Variants in GREB1 observed in about 807,000 individuals in gnomAD.
GREB1 encodes protein GREB1.
GREB1 carries 106 observed loss-of-function variants against 200.7 expected under a neutral mutation model. The ratio of observed to expected loss-of-function variants is 0.53; its 90% CI spans 0.45 to 0.62. GREB1 has a LOEUF of 0.62. Among genes scored for constraint, GREB1 ranks in the 20% least tolerant of loss-of-function variants. GREB1 has a pLI of 0.00. For missense variants in GREB1, 2,243 were observed against 2,556.8 expected (o/e 0.88, Z 2.65); for synonymous variants, 1,132 against 1,092.4 (o/e 1.04, Z -0.72).
rs1679127801 is a variant in GREB1 at position 11,578,554 on chromosome 2, T to G, written c.772+123T>G. ...AAATCAGGGGGCTGTTATCTTTTTC[T>G]ATAACACCTTTACTTTCATCTTGAA... is the stretch of plus-strand genomic sequence containing the variant. On this transcript the variant is annotated intron_variant, in intron 6 of 32. Coordinates refer to ENST00000381486, the MANE Select transcript of GREB1 (RefSeq NM_014668.4). The G allele has an allele frequency of 3.2e-6, 3 of 933,538 alleles. No individual in the cohort carries two copies. The East Asian group carries it at 7.9e-5, about 24-fold the overall frequency. The allele number at this position is 933,538 out of a possible 1,614,324, so 57.8% of individuals were successfully genotyped here. A position where few individuals can be genotyped will look rare whatever the true frequency, so the allele number is the denominator to read the frequency against.
At chr2:11,632,161 A>G (rs1174682626) in intron 27 of GREB1, 48 bp downstream of exon 27, 2 of 1,348,924 alleles carry the variant, frequency 1.5e-6, no homozygotes, top group Non-Finnish European at 1.1e-6. Context: ...CTGTGAACGA[A>G]CACTTGAGAG....
intron 17 of GREB1, 42 bp downstream of exon 17, chr2:11,602,584 T>C (rs757790979): frequency 3.2e-6 from 5 of 1,586,236 alleles, no homozygotes; most frequent in Non-Finnish European, 4.3e-6. Context: ...GCTCAGTAGC[T>C]TAAAGGGCAA....
intron 1 of GREB1, among the ~76,000 whole-genome samples, chr2:11,503,299 G>A (rs1042641556): frequency 2.6e-5 from 4 of 152,050 alleles, no homozygotes; most frequent in East Asian, 1.9e-4. Context: ...CTATTGCTTC[G>A]AGTGCTTACA....
At chr2:11,489,003 T>C (rs1247101370) in intron 1 of GREB1, among the ~76,000 whole-genome samples, 1 of 152,006 alleles carries the variant, frequency 6.6e-6, no homozygotes, top group Non-Finnish European at 1.5e-5. Context: ...TGGTCACCCT[T>C]GTATCCCAGC....
chr2:11,634,263 G>A lies in GREB1; in HGVS notation c.5124G>A (p.Val1708=), dbSNP rs752984548. 24 of 1,614,084 alleles carry A rather than the reference G, an allele frequency of 1.5e-5. No individual in the cohort carries two copies. The highest frequency in any genetic ancestry group is 1.9e-5 in the Non-Finnish European group (22 of 1,180,042). Residue 1708 remains valine (V), a synonymous_variant, in exon 29 of 33, where the codon GTG becomes GTA. Coordinates refer to ENST00000381486, the MANE Select transcript of GREB1 (RefSeq NM_014668.4). The part of the protein sequence containing the change: ...KWSSKTRASE[V]QEPFSRCHVH... Reference sequence around the variant, plus strand: ...CCAGCAAGACCCGGGCCAGCGAGGTGCAAGAGCCCTTCTCCCGCTGCCACG... The same window carrying A: ...CCAGCAAGACCCGGGCCAGCGAGGTACAAGAGCCCTTCTCCCGCTGCCACG...
intron 1 of GREB1, among the ~76,000 whole-genome samples, chr2:11,499,003 A>C (rs1672958821): frequency 6.6e-6 from 1 of 152,182 alleles, no homozygotes; most frequent in Non-Finnish European, 1.5e-5. Context: ...ATGCTTAATT[A>C]CACAAACATG....
chr2:11,639,582 C>G (rs931981661), intron 32 of GREB1, among the ~76,000 whole-genome samples: 1 of 152,214 alleles, frequency 6.6e-6, no homozygotes. Flanking sequence ...CTTGAAAACA[C>G]GATTTCCAGT....
intron 4 of GREB1, among the ~76,000 whole-genome samples, chr2:11,572,783 G>A (rs937235707): frequency 1.3e-5 from 2 of 151,802 alleles, no homozygotes; most frequent in African/African-American, 2.4e-5. Context: ...CTCCTACAAG[G>A]TGGGTTTTTG....
At chr2:11,598,093 T>C in intron 14 of GREB1, 115 bp downstream of exon 14, 1 of 801,210 alleles carries the variant, frequency 1.2e-6, no homozygotes, top group East Asian at 2.4e-5. Context: ...GTATTGCTGC[T>C]CTTGTTTTAT....
chr2:11,624,251 G>A (rs992184052), intron 23 of GREB1, among the ~76,000 whole-genome samples: 10 of 151,770 alleles, frequency 6.6e-5, no homozygotes, highest in African/African-American at 2.4e-4. Flanking sequence ...TGCAAGCCCC[G>A]TGCAAGGTGG....
intron 1 of GREB1, among the ~76,000 whole-genome samples, chr2:11,518,271 A>T (rs1182081024): frequency 6.6e-6 from 1 of 152,186 alleles, no homozygotes; most frequent in African/African-American, 2.4e-5. Flanking sequence ...GCAATCATTG[A>T]AAGTTGAACA....
At position 11,640,377 on chromosome 2, in the gene GREB1, C is replaced by T. The variant is rs755838573; in HGVS notation, c.5773C>T (p.Arg1925Trp). 18 of 1,614,100 alleles carry T rather than the reference C, an allele frequency of 1.1e-5. No homozygotes were observed. In the Middle Eastern group the frequency reaches 4.9e-4, roughly 44 times the overall value. ...GGAGCTCGAGGACGAGTGGCAGTTC[C>T]GGCTGCGCGATGAGTTCCAGACCGC... ...RLELEDEWQF[R>W]LRDEFQTANA... Residue 1925 changes from arginine (R) to tryptophan (W), a missense_variant, in exon 33 of 33, where the codon CGG becomes TGG. Around this residue, in one of 3 missense-constraint regions of GREB1, gnomAD observed 478 missense variants for 616.3 expected, o/e 0.78. Coordinates refer to ENST00000381486, the MANE Select transcript of GREB1 (RefSeq NM_014668.4). This position sits in a 1 kb window ranked among gnomAD's most constrained non-coding sequence, Gnocchi z 4.6.
At position 11,547,601 on chromosome 2, in the gene GREB1, A is replaced by G. The variant is rs571353236; in HGVS notation, c.-161-8853A>G. Among the ~76,000 whole-genome samples the G allele has an allele frequency of 2.6e-5, 4 of 152,332 alleles. No individual in the cohort carries two copies. The East Asian group carries it at 7.7e-4, about 29-fold the overall frequency. ...AATCATCGTTTTTCAAAAATTATAA[A>G]TATACACACAGTCTAAAAGTTAAAT... On this transcript the variant is annotated intron_variant, in intron 1 of 32. Coordinates refer to ENST00000381486, the MANE Select transcript of GREB1 (RefSeq NM_014668.4).
chr2:11,503,344 C>T (rs1673098292), intron 1 of GREB1, among the ~76,000 whole-genome samples: 1 of 152,148 alleles, frequency 6.6e-6, no homozygotes, highest in Admixed American at 6.5e-5. Flanking sequence ...TTCATATTCA[C>T]ATTATTGATG....
At chr2:11,486,503 TA>T (rs1672658920) in intron 1 of GREB1, among the ~76,000 whole-genome samples, 2 of 151,686 alleles carry the variant, frequency 1.3e-5, no homozygotes, top group South Asian at 4.2e-4. Context: ...AAGGCTCTCA[TA>T]GAAGTAATAT....
intron 2 of GREB1, among the ~76,000 whole-genome samples, chr2:11,557,025 G>A (rs1024824765): frequency 1.3e-5 from 2 of 152,146 alleles, no homozygotes; most frequent in African/African-American, 2.4e-5. Context: ...GTTCTCAATC[G>A]GTTGTTACTT....
intron 1 of GREB1, among the ~76,000 whole-genome samples, chr2:11,543,297 G>T (rs7568223): frequency 0.67 from 102,657 of 152,102 alleles, 35,284 homozygotes; most frequent in South Asian, 0.84. Flanking sequence ...TAAAATTAAG[G>T]CAAGCTTAAG....
At chr2:11,527,664 A>C (rs910365000) in intron 1 of GREB1, among the ~76,000 whole-genome samples, 1 of 152,208 alleles carries the variant, frequency 6.6e-6, no homozygotes, top group African/African-American at 2.4e-5. Flanking sequence ...GGAGCTATTC[A>C]GTGAGGCAGC....
chr2:11,575,977 G>A (rs1298050146), intron 4 of GREB1, among the ~76,000 whole-genome samples: 2 of 152,156 alleles, frequency 1.3e-5, no homozygotes, highest in East Asian at 1.9e-4. Context: ...TCTTTCATTC[G>A]AGTTGAGGCC....
Sources: allele counts gnomAD v4.1 joint callset (sites outside exome capture counted in the v4.1 genomes callset), GRCh38; gene constraint gnomAD v4.1.1; regional missense constraint gnomAD v4.1.1; non-coding constraint Gnocchi (gnomAD v3.1); transcripts MANE v1.5; gene names NCBI Gene and HGNC (gene_info 2026-07-23, HGNC 2026-07-21).